Variants in DDX4 observed in about 807,000 individuals in gnomAD.
DDX4 encodes the protein DEAD-box helicase 4.
A neutral mutation model predicts 100.0 loss-of-function variants in DDX4; 25 were observed. The observed-to-expected ratio is 0.25, with a 90% CI of 0.18 to 0.35. The LOEUF (loss-of-function observed/expected upper bound fraction) is 0.35. DDX4 is among the 10% of genes least tolerant of loss of function. The pLI, the probability that DDX4 is intolerant of heterozygous loss-of-function variation, is 1.00. For synonymous variants in DDX4, 259 were observed against 275.7 expected, an observed-to-expected ratio of 0.94 and a Z score of 0.60; for missense variants, 635 against 882.4, an observed-to-expected ratio of 0.72 and a Z score of 3.55.
At chr5:55,776,243 G>A (rs1419521685) in intron 7 of DDX4, among the ~76,000 whole-genome samples, 2 of 152,192 alleles carry the variant, frequency 1.3e-5, no homozygotes, top group Non-Finnish European at 2.9e-5. Context: ...AGATAAATCT[G>A]TGGAAATTCT....
intron 19 of DDX4, among the ~76,000 whole-genome samples, chr5:55,814,233 A>C (rs981730406): frequency 3.9e-5 from 6 of 152,226 alleles, no homozygotes; most frequent in Admixed American, 2.0e-4. Context: ...TACTTTAAAA[A>C]TATGTTTTTA....
At chr5:55,789,026 A>G (rs79964157) in intron 15 of DDX4, among the ~76,000 whole-genome samples, 5,743 of 152,296 alleles carry the variant, frequency 0.038, 167 homozygotes, top group Non-Finnish European at 0.059. Context: ...GCGCCACTGC[A>G]TTCCAGCCTA....
intron 1 of DDX4, among the ~76,000 whole-genome samples, chr5:55,738,672 C>T (rs1379279440): frequency 1.3e-5 from 2 of 152,098 alleles, no homozygotes; most frequent in Non-Finnish European, 2.9e-5. Flanking sequence ...AGTCTATGAA[C>T]AGATGTTTGG....
chr5:55,777,329 C>T (rs1157339502), intron 7 of DDX4: 1 of 152,104 alleles, frequency 6.6e-6, no homozygotes, highest in Non-Finnish European at 1.5e-5. Flanking sequence ...AGAGGTCAGG[C>T]ATGGTGGCTC....
At chr5:55,771,739 T>A (rs1393288786) in intron 7 of DDX4, among the ~76,000 whole-genome samples, 1 of 152,220 alleles carries the variant, frequency 6.6e-6, no homozygotes, top group Non-Finnish European at 1.5e-5. Flanking sequence ...GCTGGTTGTG[T>A]GGTGGTGTAC....
chr5:55,792,908 A>C, intron 17 of DDX4, 101 bp downstream of exon 17: 3 of 704,160 alleles, frequency 4.3e-6, no homozygotes, highest in Non-Finnish European at 3.8e-6. Context: ...TTTGTCGTTA[A>C]GATTTTAATA....
intron 18 of DDX4, 136 bp downstream of exon 18, chr5:55,798,707 TA>T (rs1480239804): frequency 2.9e-6 from 2 of 682,096 alleles, no homozygotes; most frequent in Non-Finnish European, 2.1e-6. Flanking sequence ...AGCTCTTTTA[TA>T]AAAAATTTTA....
intron 4 of DDX4, among the ~76,000 whole-genome samples, chr5:55,761,226 A>G (rs1740525262): frequency 6.6e-6 from 1 of 152,178 alleles, no homozygotes; most frequent in South Asian, 2.1e-4. Flanking sequence ...TTATTTGGAC[A>G]ATGTAATTGT....
chr5:55,779,884 C>T (rs575419591), intron 7 of DDX4, 80 bp from the exon 8 acceptor site: 25 of 1,524,722 alleles, frequency 1.6e-5, no homozygotes, highest in Non-Finnish European at 2.1e-5. Flanking sequence ...TTATTCAAGG[C>T]TTAAATTAAA....
intron 3 of DDX4, among the ~76,000 whole-genome samples, chr5:55,752,579 A>G (rs1340094493): frequency 2.1e-5 from 3 of 145,628 alleles, no homozygotes; most frequent in South Asian, 2.2e-4. Context: ...AATCCAGTCT[A>G]TCATTGTTGG....
chr5:55,815,128 C>T lies in DDX4; in HGVS notation c.1943C>T (p.Ser648Leu), dbSNP rs1441008911. Reference sequence around the variant, plus strand: ...GCAATTTCCTTTTTTGATCTTGAATCGGATAACCATTTAGCACAGCCTCTA... The same window carrying T: ...GCAATTTCCTTTTTTGATCTTGAATTGGATAACCATTTAGCACAGCCTCTA... ...GRAISFFDLE[S>L]DNHLAQPLVK... The change falls in exon 20 of 22, where the codon TCG (serine) becomes TTG (leucine). Residue 648 changes from serine to leucine, a missense_variant. Ser to Leu is a moderately radical substitution (Grantham distance 145, BLOSUM62 -2). Coordinates refer to ENST00000505374, the MANE Select transcript of DDX4 (RefSeq NM_024415.3). The T allele has an allele frequency of 6.8e-6, 11 of 1,614,014 alleles. No homozygotes were observed. The highest frequency in any genetic ancestry group is 1.3e-5 in the African/African-American group (1 of 74,902).
chr5:55,782,122 AC>A, intron 10 of DDX4, 141 bp downstream of exon 10: 1 of 922,460 alleles, frequency 1.1e-6, no homozygotes, highest in Non-Finnish European at 1.6e-6. Context: ...CACTGTGAGG[AC>A]CATAAATTTA....
At chr5:55,785,381 G>C in intron 11 of DDX4, 37 bp downstream of exon 11, 5 of 1,585,286 alleles carry the variant, frequency 3.2e-6, no homozygotes, top group Non-Finnish European at 4.3e-6. Flanking sequence ...GATTTTTATA[G>C]TGAGAGTTCT....
intron 2 of DDX4, among the ~76,000 whole-genome samples, chr5:55,742,916 G>C (rs545920650): frequency 2.6e-5 from 4 of 152,192 alleles, no homozygotes; most frequent in African/African-American, 7.2e-5. Flanking sequence ...GAGAGGGAAG[G>C]CTTCTCTCAG....
chr5:55,784,759 C>G (rs145298157), intron 10 of DDX4, among the ~76,000 whole-genome samples: 4 of 152,322 alleles, frequency 2.6e-5, no homozygotes, highest in Non-Finnish European at 5.9e-5. Context: ...CTCTAATACT[C>G]TTCTCTGGTA....
chr5:55,749,556 A>G (rs1302829956), intron 3 of DDX4, among the ~76,000 whole-genome samples: 1 of 152,212 alleles, frequency 6.6e-6, no homozygotes, highest in Non-Finnish European at 1.5e-5. Flanking sequence ...TGATTGGGCC[A>G]GGGCTAGGCT....
At chr5:55,809,795 G>GAACTAGAATCTTCTTC (rs1169642220) in intron 18 of DDX4, among the ~76,000 whole-genome samples, 2 of 152,196 alleles carry the variant, frequency 1.3e-5, no homozygotes, top group Non-Finnish European at 2.9e-5. Flanking sequence ...AACCACTGAA[G>GAACTAGAATCTTCTTC]AAGATGTTAG....
chr5:55,815,193 G>T (rs1744325388), intron 20 of DDX4, 22 bp downstream of exon 20: 1 of 1,610,038 alleles, frequency 6.2e-7, no homozygotes. Context: ...TTTTATGATG[G>T]AATGGATAGT....
intron 16 of DDX4, among the ~76,000 whole-genome samples, chr5:55,791,513 A>AT (rs1324589633): frequency 1.2e-4 from 18 of 152,198 alleles, no homozygotes; most frequent in African/African-American, 3.9e-4. Flanking sequence ...CAAAGGTAAG[A>AT]GGTTCCTGAT....
Sources: allele counts gnomAD v4.1 joint callset (sites outside exome capture counted in the v4.1 genomes callset), GRCh38; gene constraint gnomAD v4.1.1; transcripts MANE v1.5; gene names NCBI Gene and HGNC (gene_info 2026-07-23, HGNC 2026-07-21).